Variants in TRIM6 observed in about 807,000 individuals in gnomAD.
TRIM6 encodes tripartite motif-containing protein 6.
In TRIM6, 43 loss-of-function variants were observed where a neutral mutation model predicts 51.2. The ratio of observed to expected loss-of-function variants is 0.84; its 90% CI spans 0.66 to 1.08. The LOEUF is 1.08. TRIM6 is among the 50% of genes least tolerant of loss of function. TRIM6 has a pLI of 0.00. For missense variants in TRIM6, 669 were observed against 619.0 expected, an observed-to-expected ratio of 1.08 and a Z score of -0.86; for synonymous variants, 215 against 232.4, an observed-to-expected ratio of 0.93 and a Z score of 0.68.
In TRIM6 at chr11:5,611,355, T is replaced by A. The variant is rs773197939; in HGVS notation, c.*13T>A. On this transcript the variant is annotated 3_prime_UTR_variant, in exon 8 of 8. Coordinates refer to ENST00000380097, the MANE Select transcript of TRIM6 (RefSeq NM_001003818.3). ...TCCAAGCTCTTGAATATTCTTCTGT[T>A]CCCACCCACTTCTGATAAGTACCCT... The A allele has an allele frequency of 4.5e-5, 72 of 1,597,232 alleles. No homozygotes were observed. The highest frequency in any genetic ancestry group is 5.7e-5 in the Non-Finnish European group (67 of 1,167,376).
At position 5,611,685 on chromosome 11, in the gene TRIM6, G is replaced by T; in HGVS notation, c.*343G>T. ...CCAGGCTGATCTCGAACTCCTGACCGCAAGTGATCCACCCGCCTCGGTCTC... is the reference window on the plus strand; with the variant it reads ...CCAGGCTGATCTCGAACTCCTGACCTCAAGTGATCCACCCGCCTCGGTCTC... On this transcript the variant is annotated 3_prime_UTR_variant, in exon 8 of 8. Coordinates refer to ENST00000380097, the MANE Select transcript of TRIM6 (RefSeq NM_001003818.3). The T allele has an allele frequency of 4.5e-6, 1 of 224,104 alleles. No individual in the cohort carries two copies. The highest frequency in any genetic ancestry group is 8.9e-6 in the Non-Finnish European group (1 of 112,400). The allele number at this position is 224,104 out of a possible 1,614,324, so 13.9% of individuals were successfully genotyped here.
At position 5,596,834 on chromosome 11, in the gene TRIM6, T is replaced by G; in HGVS notation, c.-64T>G. 3 of 1,613,422 alleles carry G rather than the reference T, an allele frequency of 1.9e-6. No individual in the cohort carries two copies. Among genetic ancestry groups the G allele is most frequent in the Non-Finnish European group, 2.5e-6 (3 of 1,179,676 alleles). ...ATTAGTTTAAGGTGCCTTGGATTGCTCTGAAGAGCTTTGACCACCTGATAT... is the reference window on the plus strand; with the variant it reads ...ATTAGTTTAAGGTGCCTTGGATTGCGCTGAAGAGCTTTGACCACCTGATAT... On this transcript the variant is annotated 5_prime_UTR_variant, in exon 1 of 8. Transcript: ENST00000380097.
Position 5,603,346 on chromosome 11 carries a change from G to A in TRIM6, c.118G>A (p.Glu40Lys), listed in dbSNP as rs746328768. Residue 40 changes from glutamate (E) to lysine (K), a missense_variant, in exon 2 of 8, where the codon GAG (glutamate) becomes AAG (lysine). By Grantham distance (56) the Glu-to-Lys change is moderately conservative. Coordinates refer to ENST00000380097, the MANE Select transcript of TRIM6 (RefSeq NM_001003818.3). Reference sequence around the variant, plus strand: ...ACCAGTACTGGTGGACATACGAGAAGAGGTGACCTGCCCTATCTGCCTGGA... The same window carrying A: ...ACCAGTACTGGTGGACATACGAGAAAAGGTGACCTGCCCTATCTGCCTGGA... ...TSPVLVDIRE[E>K]VTCPICLELL... is the part of the protein sequence containing the mutation. The A allele has an allele frequency of 2.5e-6, 4 of 1,614,140 alleles. No individual in the cohort carries two copies. The South Asian group carries it at 4.4e-5, about 18-fold the overall frequency.
At chr11:5,610,088 G>A (rs1370354773) in intron 5 of TRIM6, 57 bp from the exon 6 acceptor site, 3 of 1,584,930 alleles carry the variant, frequency 1.9e-6, no homozygotes, top group South Asian at 1.1e-5. Context: ...AGGGAGATGG[G>A]TGGTGGAGGA....
chr11:5,603,783 A>C, intron 2 of TRIM6, 48 bp downstream of exon 2: 1 of 1,595,852 alleles, frequency 6.3e-7, no homozygotes, highest in Non-Finnish European at 8.5e-7. Flanking sequence ...GGTCTTTGGC[A>C]GGTTTTAACG....
intron 6 of TRIM6, 52 bp downstream of exon 6, chr11:5,610,297 G>T (rs1410553325): frequency 1.2e-6 from 2 of 1,611,780 alleles, no homozygotes; most frequent in Non-Finnish European, 1.7e-6. Flanking sequence ...GTCGTGGGAA[G>T]AAATAAACGG....
Position 5,612,773 on chromosome 11 carries a change from G to A in TRIM6, c.*1431G>A, listed in dbSNP as rs1848624396. ...TATCCAGGAGCCACCAATGTCTGTT[G>A]AGTACTTCATACATGCCTAGTCTGA... On this transcript the variant is annotated 3_prime_UTR_variant, in exon 8 of 8. Coordinates refer to ENST00000380097, the MANE Select transcript of TRIM6 (RefSeq NM_001003818.3). 6.6e-6 allele frequency: 1 copy of A among 152,134 alleles called. No individual in the cohort carries two copies. The highest frequency in any genetic ancestry group is 2.4e-5 in the African/African-American group (1 of 41,440). 9.4% of individuals were successfully genotyped at this position (152,134 alleles called of 1,614,324 possible). A position where few individuals can be genotyped will look rare whatever the true frequency, so the allele number is the denominator to read the frequency against.
At chr11:5,610,011 G>A (rs1848477178) in intron 5 of TRIM6, 134 bp from the exon 6 acceptor site, 2 of 837,136 alleles carry the variant, frequency 2.4e-6, no homozygotes, top group Admixed American at 2.7e-5. Flanking sequence ...TGCCAGGGCT[G>A]TTTGCAGAAT....
Position 5,611,427 on chromosome 11 carries a change from G to A in TRIM6, c.*85G>A, listed in dbSNP as rs1206378234. 1.7e-6 allele frequency: 2 copies of A among 1,165,450 alleles called. No individual in the cohort carries two copies. The highest frequency in any genetic ancestry group is 4.7e-5 in the East Asian group (2 of 42,550). The allele number at this position is 1,165,450 out of a possible 1,614,324, so 72.2% of individuals were successfully genotyped here. A position where few individuals can be genotyped will look rare whatever the true frequency, so the allele number is the denominator to read the frequency against. Reference sequence around the variant, plus strand: ...CTCCCTTCTGATCTTCTGTTTTTCTGTGTTCTCAATTCTTTTGTTGTTTTT... The same window carrying A: ...CTCCCTTCTGATCTTCTGTTTTTCTATGTTCTCAATTCTTTTGTTGTTTTT... On this transcript the variant is annotated 3_prime_UTR_variant, in exon 8 of 8. Transcript: ENST00000380097.
At chr11:5,604,826 C>G in intron 3 of TRIM6, 197 bp downstream of exon 3, 1 of 548,658 alleles carries the variant, frequency 1.8e-6, no homozygotes, top group Non-Finnish European at 3.1e-6. Context: ...AAAACTGAAC[C>G]TAGGAGACAA....
chr11:5,599,590 A>C (rs1403262119), intron 1 of TRIM6, among the ~76,000 whole-genome samples: 1 of 151,962 alleles, frequency 6.6e-6, no homozygotes, highest in Non-Finnish European at 1.5e-5. Context: ...TTTTTAGTAG[A>C]GACAGGGTTT....
chr11:5,608,311 G>T, intron 4 of TRIM6, 61 bp from the exon 5 acceptor site: 1 of 1,606,794 alleles, frequency 6.2e-7, no homozygotes. Context: ...CATGGAAGGA[G>T]AAATGTGGAT....
chr11:5,601,647 A>G (rs1303990189), intron 1 of TRIM6, among the ~76,000 whole-genome samples: 1 of 152,132 alleles, frequency 6.6e-6, no homozygotes, highest in East Asian at 1.9e-4. Context: ...AATCCCAGCT[A>G]CTCAGGAGGC....
At chr11:5,604,049 G>A (rs1228130882) in intron 2 of TRIM6, among the ~76,000 whole-genome samples, 1 of 152,098 alleles carries the variant, frequency 6.6e-6, no homozygotes, top group Non-Finnish European at 1.5e-5. Context: ...AGGTTGGAGT[G>A]CAGTGGTGCG....
rs1157502282 is a variant in TRIM6, at chr11:5,605,378, T to C, written c.645T>C (p.Phe215=). ...EPERCRIQTE[F]NQLRNILDRV... ...AGAGATGCAGGATCCAGACAGAGTT[T>C]AATCAGCTGCGAAATATCCTAGACA... The change falls in exon 4 of 8, where the codon TTT becomes TTC. Residue 215 remains phenylalanine (F), a synonymous_variant. Coordinates refer to ENST00000380097, the MANE Select transcript of TRIM6 (RefSeq NM_001003818.3). 6.2e-7 allele frequency: 1 copy of C among 1,614,008 alleles called. No homozygotes were observed. Among genetic ancestry groups the C allele is most frequent in the Non-Finnish European group, 8.5e-7 (1 of 1,180,042 alleles).
intron 4 of TRIM6, among the ~76,000 whole-genome samples, chr11:5,605,905 G>T (rs567331759): frequency 1.3e-5 from 2 of 152,112 alleles, no homozygotes; most frequent in Admixed American, 1.3e-4. Context: ...TCTTTGCTGC[G>T]TGGGGTTCTC....
At position 5,603,661 on chromosome 11, in the gene TRIM6, T is replaced by C. The variant is rs759635310; in HGVS notation, c.433T>C (p.Trp145Arg). ...TCAGGAGGATGGGAAGGTCATTTGC[T>C]GGCTTTGTGAGCGGTCTCAGGAGCA... Reference protein sequence around the residue: ...FCQEDGKVICWLCERSQEHRG... With the variant: ...FCQEDGKVICRLCERSQEHRG... Residue 145 changes from tryptophan (W) to arginine (R), a missense_variant, in exon 2 of 8, where the codon TGG becomes CGG. Trp to Arg is a moderately radical substitution (Grantham distance 101). Coordinates refer to ENST00000380097, the MANE Select transcript of TRIM6 (RefSeq NM_001003818.3). 6.2e-7 allele frequency: 1 copy of C among 1,613,514 alleles called. No individual in the cohort carries two copies. Among genetic ancestry groups the C allele is most frequent in the Non-Finnish European group, 8.5e-7 (1 of 1,179,952 alleles).
chr11:5,601,691 G>A (rs542308130), intron 1 of TRIM6, among the ~76,000 whole-genome samples: 1 of 152,202 alleles, frequency 6.6e-6, no homozygotes, highest in African/African-American at 2.4e-5. Context: ...CCGGGAGGCA[G>A]AGGTTGCAGT....
chr11:5,611,100 A>G lies in TRIM6; in HGVS notation c.1309A>G (p.Asn437Asp). ...ATACTGGGTGATTGGGTTACAGCAT[A>G]ACCATGAATATAGGGCCTATGAGGA... The part of the protein sequence containing the change: ...SGYWVIGLQH[N>D]HEYRAYEDSS... Residue 437 changes from asparagine (N) to aspartate (D), a missense_variant, in exon 8 of 8, where the codon AAC (asparagine) becomes GAC (aspartate). Coordinates refer to ENST00000380097, the MANE Select transcript of TRIM6 (RefSeq NM_001003818.3). 1 of 1,614,188 alleles carries G rather than the reference A, an allele frequency of 6.2e-7. No homozygotes were observed. The highest frequency in any genetic ancestry group is 8.5e-7 in the Non-Finnish European group (1 of 1,180,040).
Sources: gnomAD v4.1 joint callset for allele counts (sites outside exome capture counted in the v4.1 genomes callset) on GRCh38, gnomAD v4.1.1 for gene constraint, MANE v1.5 for transcripts, NCBI Gene and HGNC (gene_info 2026-07-23, HGNC 2026-07-21) for gene names.